Variants in RCAN1 observed in about 807,000 individuals in gnomAD.
RCAN1 encodes regulator of calcineurin 1, also known as calcipressin-1.
Under a neutral mutation model 22.9 loss-of-function variants are expected in RCAN1, and 11 were observed. That is an observed-to-expected ratio of 0.48 (90% CI 0.30 to 0.79). RCAN1 has a LOEUF of 0.79. Among genes scored for constraint, RCAN1 ranks in the 30% least tolerant of loss-of-function variants. The pLI, the probability that RCAN1 is intolerant of heterozygous loss-of-function variation, is 0.06. For synonymous variants in RCAN1, 136 were observed against 142.3 expected (o/e 0.96, Z 0.32); for missense variants, 291 against 337.8 (o/e 0.86, Z 1.09).
intron 1 of RCAN1, chr21:34,524,152 G>T (rs4817673): frequency 0.011 from 1,669 of 155,338 alleles, 50 homozygotes; most frequent in East Asian, 0.095. Context: ...TTAGAGAAAA[G>T]CCTTTCCCCT....
intron 1 of RCAN1, among the ~76,000 whole-genome samples, chr21:34,527,589 T>A (rs1985144569): frequency 6.6e-6 from 1 of 152,214 alleles, no homozygotes; most frequent in Non-Finnish European, 1.5e-5. Flanking sequence ...AACACTTCGA[T>A]CATTTTCAAA....
At chr21:34,532,544 G>A (rs989329883) in intron 1 of RCAN1, among the ~76,000 whole-genome samples, 1 of 152,166 alleles carries the variant, frequency 6.6e-6, no homozygotes, top group African/African-American at 2.4e-5. Flanking sequence ...TCCTGGTGCT[G>A]GTACAAAATA....
intron 1 of RCAN1, among the ~76,000 whole-genome samples, chr21:34,553,221 C>T (rs989733872): frequency 1.3e-5 from 2 of 152,192 alleles, no homozygotes; most frequent in African/African-American, 4.8e-5. Flanking sequence ...ATGAATGATC[C>T]CTCACCAGCG....
intron 1 of RCAN1, among the ~76,000 whole-genome samples, chr21:34,533,504 AC>A (rs1179694524): frequency 6.6e-6 from 1 of 152,184 alleles, no homozygotes; most frequent in Non-Finnish European, 1.5e-5. Flanking sequence ...CTGAAGTTGA[AC>A]CTAAGCCTTC....
chr21:34,555,579 A>AAT (rs1555860830), intron 1 of RCAN1, among the ~76,000 whole-genome samples: 2 of 150,700 alleles, frequency 1.3e-5, no homozygotes, highest in Non-Finnish European at 1.5e-5. Flanking sequence ...CTCAAAAAAA[A>AAT]AAATAAATAA....
chr21:34,539,981 T>C (rs1245544857), intron 1 of RCAN1, among the ~76,000 whole-genome samples: 1 of 152,202 alleles, frequency 6.6e-6, no homozygotes, highest in Non-Finnish European at 1.5e-5. Context: ...CTCATCTGAA[T>C]TGTTTCTTGT....
In RCAN1 at chr21:34,614,784, G is replaced by A. The variant is rs770186667; in HGVS notation, c.228C>T (p.Arg76=). 2 of 1,467,062 alleles carry A rather than the reference G, an allele frequency of 1.4e-6. No homozygotes were observed. The highest frequency in any genetic ancestry group is 1.8e-6 in the Non-Finnish European group (2 of 1,105,994). 90.9% of individuals were successfully genotyped at this position (1,467,062 alleles called of 1,614,324 possible). A position where few individuals can be genotyped will look rare whatever the true frequency, so the allele number is the denominator to read the frequency against. Reference sequence around the variant, plus strand: ...CCCGGCACAGGCCGTCCACGAACACGCGCGGGTCCAGGTGACAGGCGATGG... The same window carrying A: ...CCCGGCACAGGCCGTCCACGAACACACGCGGGTCCAGGTGACAGGCGATGG... ...SATIACHLDP[R]VFVDGLCRAK... is the part of the protein sequence containing the mutation. The change falls in exon 1 of 4, where the codon CGC becomes CGT. Residue 76 remains arginine (R), a synonymous_variant. Coordinates refer to ENST00000313806, the MANE Select transcript of RCAN1 (RefSeq NM_004414.7). This position sits in a 1 kb window ranked among gnomAD's most constrained non-coding sequence, Gnocchi z 6.0.
chr21:34,536,733 G>T (rs1985690244), intron 1 of RCAN1, among the ~76,000 whole-genome samples: 1 of 152,084 alleles, frequency 6.6e-6, no homozygotes. Context: ...GTCATGGAGG[G>T]AAGGGGAAAA....
Position 34,523,591 on chromosome 21 carries a change from G to A in RCAN1, c.372C>T (p.Leu124=), listed in dbSNP as rs1243925594. 1 of 1,614,170 alleles carries A rather than the reference G, an allele frequency of 6.2e-7. No individual in the cohort carries two copies. Among genetic ancestry groups the A allele is most frequent in the East Asian group, 2.2e-5 (1 of 44,880 alleles). Residue 124 remains leucine, a synonymous_variant, in exon 2 of 4, where the codon CTC becomes CTT. Coordinates refer to ENST00000313806, the MANE Select transcript of RCAN1 (RefSeq NM_004414.7). ...SNPFSAADAR[L]QLHKTEFLGK... Reference sequence around the variant, plus strand: ...CCAGAAACTCAGTCTTATGCAGCTGGAGCCTGGCATCTGCTGCGGAGAAGG... The same window carrying A: ...CCAGAAACTCAGTCTTATGCAGCTGAAGCCTGGCATCTGCTGCGGAGAAGG...
At chr21:34,573,266 C>A (rs1220300324) in intron 1 of RCAN1, among the ~76,000 whole-genome samples, 1 of 152,034 alleles carries the variant, frequency 6.6e-6, no homozygotes, top group Admixed American at 6.5e-5. Context: ...CACATTTTGG[C>A]ATGGTAATGG....
At position 34,614,354 on chromosome 21, in the gene RCAN1, G is replaced by A; in HGVS notation, c.252+406C>T. ...GTCCTATTTATGAACACTGAGTCAC[G>A]TCGCCGCTCAATGTCTGTTTCCTCC... On this transcript the variant is annotated intron_variant, in intron 1 of 3. Transcript: ENST00000313806. The surrounding 1 kb of genome is among the most constrained non-coding windows in gnomAD (Gnocchi z 6.0). The A allele has an allele frequency of 1.0e-6, 1 of 990,822 alleles. No homozygotes were observed. Among genetic ancestry groups the A allele is most frequent in the Non-Finnish European group, 1.2e-6 (1 of 833,622 alleles). 61.4% of individuals were successfully genotyped at this position (990,822 alleles called of 1,614,324 possible).
chr21:34,555,851 C>G (rs1173863730), intron 1 of RCAN1, among the ~76,000 whole-genome samples: 2 of 150,922 alleles, frequency 1.3e-5, no homozygotes, highest in African/African-American at 4.9e-5. Context: ...TCACGAGGTC[C>G]AGGAGATTGA....
chr21:34,591,738 G>A (rs935628774), intron 1 of RCAN1, among the ~76,000 whole-genome samples: 1 of 152,128 alleles, frequency 6.6e-6, no homozygotes, highest in African/African-American at 2.4e-5. Flanking sequence ...CATATGTTGC[G>A]CTAATACGTA....
intron 1 of RCAN1, among the ~76,000 whole-genome samples, chr21:34,593,697 G>C (rs1343954005): frequency 6.6e-6 from 1 of 152,212 alleles, no homozygotes; most frequent in South Asian, 2.1e-4. Flanking sequence ...TCGGGCTGAG[G>C]CTGTGGCTGC....
chr21:34,601,884 ACATGTGT>A (rs1411289213), intron 1 of RCAN1, among the ~76,000 whole-genome samples: 1 of 151,986 alleles, frequency 6.6e-6, no homozygotes, highest in Admixed American at 6.6e-5. Context: ...AACAGTGATC[ACATGTGT>A]AGGTATAGAC....
Position 34,518,333 on chromosome 21 carries a change from G to A in RCAN1, c.587-77C>T. The A allele has an allele frequency of 7.0e-7, 1 of 1,438,088 alleles. No individual in the cohort carries two copies. The highest frequency in any genetic ancestry group is 2.5e-4 in the Middle Eastern group (1 of 4,072). The allele number at this position is 1,438,088 out of a possible 1,614,324, so 89.1% of individuals were successfully genotyped here. A position where few individuals can be genotyped will look rare whatever the true frequency, so the allele number is the denominator to read the frequency against. ...AAAGGCAAACATAAAAGAGCATTCA[G>A]GGCTCTGCTGGGCCAGCTGCTCGTG... On this transcript the variant is annotated intron_variant, in intron 3 of 3. Coordinates refer to ENST00000313806, the MANE Select transcript of RCAN1 (RefSeq NM_004414.7). This position sits in a 1 kb window ranked among gnomAD's most constrained non-coding sequence, Gnocchi z 4.2.
In RCAN1 at chr21:34,517,984, T is replaced by C. The variant is rs1984168863; in HGVS notation, c.*100A>G. ...TGAACTGGGATTTCTGCCACCCCGA[T>C]CTCGGCTGCCACCTCCGAAGAAGTC... is the stretch of plus-strand genomic sequence containing the variant. On this transcript the variant is annotated 3_prime_UTR_variant, in exon 4 of 4. Coordinates refer to ENST00000313806, the MANE Select transcript of RCAN1 (RefSeq NM_004414.7). 1.4e-6 allele frequency: 2 copies of C among 1,449,080 alleles called. No individual in the cohort carries two copies. The highest frequency in any genetic ancestry group is 1.3e-5 in the South Asian group (1 of 78,760). The allele number at this position is 1,449,080 out of a possible 1,614,324, so 89.8% of individuals were successfully genotyped here.
intron 1 of RCAN1, among the ~76,000 whole-genome samples, chr21:34,547,210 G>A (rs62214573): frequency 0.24 from 36,706 of 152,014 alleles, 5,173 homozygotes; most frequent in African/African-American, 0.39. Context: ...GCCCAGGAGC[G>A]GGGACTGTCC....
At chr21:34,599,669 G>C (rs567423479) in intron 1 of RCAN1, among the ~76,000 whole-genome samples, 9 of 152,056 alleles carry the variant, frequency 5.9e-5, no homozygotes, top group Non-Finnish European at 1.3e-4. Flanking sequence ...CTCAACAGAG[G>C]CTATCCCTAA....
Sources: gnomAD v4.1 joint callset for allele counts (sites outside exome capture counted in the v4.1 genomes callset) on GRCh38, gnomAD v4.1.1 for gene constraint, Gnocchi (gnomAD v3.1) non-coding constraint, MANE v1.5 for transcripts, NCBI Gene and HGNC (gene_info 2026-07-23, HGNC 2026-07-21) for gene names.